Variants in FOXP2 observed in about 807,000 individuals in gnomAD.
FOXP2 encodes forkhead box P2.
FOXP2 carries 12 observed loss-of-function variants against 115.8 expected under a neutral mutation model. The observed-to-expected ratio is 0.10, with a 90% CI of 0.07 to 0.17. FOXP2 has a LOEUF of 0.17. FOXP2 is among the 10% of genes least tolerant of loss of function. FOXP2 has a pLI of 1.00. For synonymous variants in FOXP2, 328 were observed against 297.7 expected (o/e 1.10, Z -1.05); for missense variants, 629 against 843.5 (o/e 0.75, Z 3.15).
At chr7:114,454,392 G>C (rs893440527) in intron 2 of FOXP2, among the ~76,000 whole-genome samples, 1 of 151,984 alleles carries the variant, frequency 6.6e-6, no homozygotes, top group African/African-American at 2.4e-5. Flanking sequence ...AGGATGTGGA[G>C]AAATAGGAAC....
chr7:114,470,782 C>T (rs1425723165), intron 2 of FOXP2, among the ~76,000 whole-genome samples: 1 of 152,078 alleles, frequency 6.6e-6, no homozygotes, highest in Non-Finnish European at 1.5e-5. Context: ...ACTTCCAATT[C>T]ATCCTAGATA....
intron 1 of FOXP2, among the ~76,000 whole-genome samples, chr7:114,113,170 G>C (rs1229649966): frequency 6.6e-6 from 1 of 151,938 alleles, no homozygotes; most frequent in Admixed American, 6.6e-5. Context: ...GTAGGTAATT[G>C]GTGTTCACGA....
intron 3 of FOXP2, among the ~76,000 whole-genome samples, chr7:114,551,798 A>G (rs1800223512): frequency 6.6e-6 from 1 of 152,198 alleles, no homozygotes; most frequent in Admixed American, 6.5e-5. Flanking sequence ...CATTACTGAG[A>G]CTAACACTAG....
At chr7:114,666,500 A>T (rs1403861404) in intron 16 of FOXP2, 1 of 152,192 alleles carries the variant, frequency 6.6e-6, no homozygotes, top group Non-Finnish European at 1.5e-5. Context: ...AAAGGAAGAA[A>T]TATTGATATA....
intron 2 of FOXP2, among the ~76,000 whole-genome samples, chr7:114,369,163 A>G (rs570333374): frequency 3.3e-4 from 51 of 152,330 alleles, no homozygotes; most frequent in African/African-American, 1.2e-3. Flanking sequence ...GTGTTATAAG[A>G]GGATTCTAAG....
intron 2 of FOXP2, among the ~76,000 whole-genome samples, chr7:114,518,007 A>G (rs1313325457): frequency 6.6e-6 from 1 of 151,922 alleles, no homozygotes; most frequent in Non-Finnish European, 1.5e-5. Context: ...TCTTTCATCA[A>G]TATTTTATCA....
At chr7:114,139,386 T>A (rs568901613) in intron 1 of FOXP2, among the ~76,000 whole-genome samples, 2 of 152,246 alleles carry the variant, frequency 1.3e-5, no homozygotes, top group African/African-American at 4.8e-5. Flanking sequence ...TCTGCCCAGA[T>A]CTATAGGGTA....
intron 2 of FOXP2, among the ~76,000 whole-genome samples, chr7:114,293,724 C>G (rs545545166): frequency 6.6e-6 from 1 of 152,298 alleles, no homozygotes; most frequent in Admixed American, 6.5e-5. Context: ...CATTCTCTCT[C>G]CTACCACCCT....
chr7:114,203,747 G>A (rs1446397061), intron 1 of FOXP2, among the ~76,000 whole-genome samples: 2 of 152,066 alleles, frequency 1.3e-5, no homozygotes, highest in Admixed American at 6.6e-5. Context: ...CAACTAACTC[G>A]ACTGCCTGTT....
chr7:114,335,697 G>C (rs748381463), intron 2 of FOXP2, among the ~76,000 whole-genome samples: 1 of 151,658 alleles, frequency 6.6e-6, no homozygotes, highest in African/African-American at 2.4e-5. Flanking sequence ...TTTAAATGTG[G>C]CCAACCTGAA....
chr7:114,196,683 G>A (rs1457223188), intron 1 of FOXP2, among the ~76,000 whole-genome samples: 1 of 152,038 alleles, frequency 6.6e-6, no homozygotes, highest in African/African-American at 2.4e-5. Flanking sequence ...CAAATTTTGG[G>A]GAGTCACCCC....
At chr7:114,581,399 C>A (rs1801862749) in intron 3 of FOXP2, among the ~76,000 whole-genome samples, 1 of 151,998 alleles carries the variant, frequency 6.6e-6, no homozygotes, top group Non-Finnish European at 1.5e-5. Flanking sequence ...CCAGGCTGGT[C>A]TTGAACTCCT....
chr7:114,614,216 C>G (rs1172628090), intron 3 of FOXP2, among the ~76,000 whole-genome samples: 1 of 152,180 alleles, frequency 6.6e-6, no homozygotes, highest in African/African-American at 2.4e-5. Flanking sequence ...TACAGCCTCA[C>G]CAACACAATA....
chr7:114,477,919 C>A (rs979263285), intron 2 of FOXP2, among the ~76,000 whole-genome samples: 7 of 151,688 alleles, frequency 4.6e-5, no homozygotes, highest in African/African-American at 1.7e-4. Context: ...AGATAACAGC[C>A]TACCAGTTAC....
chr7:114,282,774 A>C (rs943314955), intron 1 of FOXP2, among the ~76,000 whole-genome samples: 1 of 152,184 alleles, frequency 6.6e-6, no homozygotes, highest in Non-Finnish European at 1.5e-5. Context: ...GCAGTTTTAC[A>C]GCATTTAGCC....
rs149880795 is a variant in FOXP2 at position 114,381,398 on chromosome 7, C to T, written c.-10-45104C>T. Reference sequence around the variant, plus strand: ...GGCTAAAATTAAATCATCCCTGTACCGAAGGACAAGAGTGTCCAGGTATGA... The same window carrying T: ...GGCTAAAATTAAATCATCCCTGTACTGAAGGACAAGAGTGTCCAGGTATGA... On this transcript the variant is annotated intron_variant, in intron 2 of 17. Transcript: ENST00000634411. 2.1e-4 allele frequency among the ~76,000 whole-genome samples: 32 copies of T among 152,210 alleles called. No individual in the cohort carries two copies. The East Asian group carries it at 5.2e-3, about 25-fold the overall frequency.
chr7:114,405,527 A>G (rs1389133187), intron 2 of FOXP2, among the ~76,000 whole-genome samples: 1 of 151,924 alleles, frequency 6.6e-6, no homozygotes, highest in Non-Finnish European at 1.5e-5. Context: ...CTGCAGCCAA[A>G]ATAATGAGGC....
intron 1 of FOXP2, among the ~76,000 whole-genome samples, chr7:114,100,804 G>C (rs1205544854): frequency 6.6e-6 from 1 of 152,122 alleles, no homozygotes. Flanking sequence ...AACATTTATT[G>C]AGCAGTTAGC....
chr7:114,671,229 T>A (rs1336651875), intron 16 of FOXP2, among the ~76,000 whole-genome samples: 3 of 152,004 alleles, frequency 2.0e-5, no homozygotes, highest in Non-Finnish European at 4.4e-5. Flanking sequence ...TGTGGATCAG[T>A]AGCTGCTGTT....
Sources: gnomAD v4.1 joint callset for allele counts (sites outside exome capture counted in the v4.1 genomes callset) on GRCh38, gnomAD v4.1.1 for gene constraint, MANE v1.5 for transcripts, NCBI Gene and HGNC (gene_info 2026-07-23, HGNC 2026-07-21) for gene names.